The following NOVA1 variants were observed in gnomAD, a reference collection of about 807,000 sequenced individuals.
NOVA1 encodes NOVA alternative splicing regulator 1, also known as RNA-binding protein Nova-1.
Under a neutral mutation model 38.0 loss-of-function variants are expected in NOVA1, and 7 were observed. The ratio of observed to expected loss-of-function variants is 0.18; its 90% CI spans 0.10 to 0.35. NOVA1 has a LOEUF of 0.35. Ranked by LOEUF, NOVA1 falls within the 10% of genes least tolerant of loss-of-function variation. The pLI, the probability that NOVA1 is intolerant of heterozygous loss-of-function variation, is 1.00. For synonymous variants in NOVA1, 270 were observed against 232.5 expected (o/e 1.16, Z -1.47); for missense variants, 460 against 616.0 (o/e 0.75, Z 2.68).
chr14:26,597,754 G>A lies in NOVA1; in HGVS notation c.-318C>T. On this transcript the variant is annotated 5_prime_UTR_variant, in exon 1 of 5. Transcript: ENST00000539517. ...AGGGGGAGAGAGTGGAGAAGGGAGA[G>A]GGGCGAGTGAATGAGCGGGAGGAGG... 3 of 982,568 alleles carry A rather than the reference G, an allele frequency of 3.1e-6. No individual in the cohort carries two copies. Among genetic ancestry groups the A allele is most frequent in the Non-Finnish European group, 3.7e-6 (3 of 813,566 alleles). The allele number at this position is 982,568 out of a possible 1,614,324, so 60.9% of individuals were successfully genotyped here.
intron 2 of NOVA1, among the ~76,000 whole-genome samples, chr14:26,584,193 C>T (rs1893385933): frequency 6.6e-6 from 1 of 151,412 alleles, no homozygotes. Flanking sequence ...TTAAACACAA[C>T]TCACATTTCT....
chr14:26,562,964 AAT>A (rs1333014272), intron 2 of NOVA1, among the ~76,000 whole-genome samples: 1 of 152,136 alleles, frequency 6.6e-6, no homozygotes, highest in Non-Finnish European at 1.5e-5. Flanking sequence ...ATGCAGAAAG[AAT>A]ATCTGAAAAT....
chr14:26,553,160 T>C (rs556964447), intron 2 of NOVA1, among the ~76,000 whole-genome samples: 3 of 152,240 alleles, frequency 2.0e-5, no homozygotes, highest in Non-Finnish European at 4.4e-5. Context: ...AAGAACATAA[T>C]GAGATATCAG....
intron 1 of NOVA1, chr14:26,596,469 G>T (rs918642253): frequency 3.6e-6 from 4 of 1,121,796 alleles, no homozygotes; most frequent in Admixed American, 2.3e-5. Context: ...GAGACACCCC[G>T]GTAAATCCAG....
intron 2 of NOVA1, among the ~76,000 whole-genome samples, chr14:26,547,530 C>T (rs1300658272): frequency 6.6e-6 from 1 of 152,040 alleles, no homozygotes; most frequent in Admixed American, 6.6e-5. Flanking sequence ...TGCCAAACTT[C>T]TATCATCTAC....
chr14:26,468,549 T>C (rs2138238086), intron 4 of NOVA1, among the ~76,000 whole-genome samples: 1 of 152,258 alleles, frequency 6.6e-6, no homozygotes, highest in East Asian at 1.9e-4. Flanking sequence ...TGGTAATTTG[T>C]TATACAGCAA....
intron 4 of NOVA1, among the ~76,000 whole-genome samples, chr14:26,454,633 C>G (rs1401381962): frequency 6.6e-6 from 1 of 152,100 alleles, no homozygotes; most frequent in Non-Finnish European, 1.5e-5. Flanking sequence ...ATTTTGAGGG[C>G]TTCTATAATT....
intron 4 of NOVA1, among the ~76,000 whole-genome samples, chr14:26,454,050 A>G (rs532145568): frequency 1.3e-5 from 2 of 152,234 alleles, no homozygotes; most frequent in South Asian, 2.1e-4. Context: ...CAATCTTTCA[A>G]TATCTCTAGA....
At chr14:26,494,655 C>T (rs575919639) in intron 2 of NOVA1, among the ~76,000 whole-genome samples, 5 of 152,298 alleles carry the variant, frequency 3.3e-5, no homozygotes, top group African/African-American at 1.2e-4. Flanking sequence ...TGTTGCTACT[C>T]TCTTCCCAGG....
At chr14:26,461,822 C>T (rs1883702311) in intron 4 of NOVA1, among the ~76,000 whole-genome samples, 2 of 150,950 alleles carry the variant, frequency 1.3e-5, no homozygotes, top group South Asian at 4.2e-4. Flanking sequence ...TGCCTGTCAT[C>T]CCAGCTACTC....
chr14:26,453,082 T>C (rs1882839389), intron 4 of NOVA1, among the ~76,000 whole-genome samples: 1 of 152,240 alleles, frequency 6.6e-6, no homozygotes, highest in African/African-American at 2.4e-5. Flanking sequence ...AGTATTTCCA[T>C]AAATTTGGTC....
intron 4 of NOVA1, among the ~76,000 whole-genome samples, chr14:26,457,293 G>A (rs938722139): frequency 1.3e-5 from 2 of 151,978 alleles, no homozygotes; most frequent in Non-Finnish European, 2.9e-5. Flanking sequence ...GGGGATGTAG[G>A]GGTAAATAAA....
chr14:26,517,872 G>A (rs1333926169), intron 2 of NOVA1, among the ~76,000 whole-genome samples: 1 of 152,000 alleles, frequency 6.6e-6, no homozygotes, highest in Non-Finnish European at 1.5e-5. Context: ...CTGAATTTCA[G>A]AATAAAGATA....
At chr14:26,503,489 A>T (rs2138417276) in intron 2 of NOVA1, among the ~76,000 whole-genome samples, 1 of 152,266 alleles carries the variant, frequency 6.6e-6, no homozygotes, top group East Asian at 1.9e-4. Context: ...TTGGCAAATA[A>T]TTATAAAAGT....
chr14:26,562,537 G>A (rs1391010942), intron 2 of NOVA1, among the ~76,000 whole-genome samples: 3 of 152,142 alleles, frequency 2.0e-5, no homozygotes, highest in African/African-American at 7.2e-5. Context: ...ACAAGGAGAA[G>A]GGTGAGGGAA....
At chr14:26,567,797 C>T (rs1594549640) in intron 2 of NOVA1, among the ~76,000 whole-genome samples, 1 of 152,098 alleles carries the variant, frequency 6.6e-6, no homozygotes, top group Non-Finnish European at 1.5e-5. Context: ...ACATTTTAAG[C>T]AACTTTTTTA....
chr14:26,594,558 A>T (rs1423273578), intron 2 of NOVA1: 1 of 152,074 alleles, frequency 6.6e-6, no homozygotes, highest in African/African-American at 2.4e-5. Flanking sequence ...ATAAAAGCAA[A>T]TCAGCTGATA....
chr14:26,496,575 A>G (rs1886808302), intron 2 of NOVA1, among the ~76,000 whole-genome samples: 1 of 152,136 alleles, frequency 6.6e-6, no homozygotes, highest in Non-Finnish European at 1.5e-5. Flanking sequence ...GCCCATGCCT[A>G]TGTCCTGAAT....
intron 3 of NOVA1, among the ~76,000 whole-genome samples, chr14:26,475,992 A>G (rs530812771): frequency 2.0e-5 from 3 of 152,322 alleles, no homozygotes; most frequent in African/African-American, 7.2e-5. Context: ...TCTCAATTGT[A>G]ATTCAAAATC....
Sources: gnomAD v4.1 joint callset for allele counts (sites outside exome capture counted in the v4.1 genomes callset) on GRCh38, gnomAD v4.1.1 for gene constraint, MANE v1.5 for transcripts, NCBI Gene and HGNC (gene_info 2026-07-23, HGNC 2026-07-21) for gene names.